Variants in ELP4 observed in about 807,000 individuals in gnomAD.
ELP4 encodes the protein elongator acetyltransferase complex subunit 4.
ELP4 carries 51 observed loss-of-function variants against 48.9 expected under a neutral mutation model. The observed-to-expected ratio is 1.04, with a 90% CI of 0.83 to 1.32. The LOEUF (loss-of-function observed/expected upper bound fraction) is 1.32. ELP4 is among the 40% of genes most tolerant of loss of function. The probability of loss-of-function intolerance (pLI) is 0.00; values close to 1 mark genes in which losing one functional copy is unlikely to be tolerated. For missense variants in ELP4, 519 were observed against 514.6 expected (o/e 1.01, Z -0.08); for synonymous variants, 210 against 189.2 (o/e 1.11, Z -0.90).
intron 3 of ELP4, among the ~76,000 whole-genome samples, chr11:31,554,336 G>A (rs1263176859): frequency 6.6e-6 from 1 of 152,076 alleles, no homozygotes; most frequent in Non-Finnish European, 1.5e-5. Flanking sequence ...TCTTGCTCTA[G>A]AATAGCATAG....
Position 31,635,532 on chromosome 11 carries a change from G to A in ELP4, c.927+3127G>A, listed in dbSNP as rs1034276349. Among the ~76,000 whole-genome samples the A allele has an allele frequency of 2.0e-5, 3 of 151,998 alleles. No homozygotes were observed. In the South Asian group the frequency reaches 6.2e-4, roughly 32 times the overall value. On this transcript the variant is annotated intron_variant, in intron 7 of 9. Coordinates refer to ENST00000640961, the MANE Select transcript of ELP4 (RefSeq NM_019040.5). ...TAGAGTCAAAATTTAGAAACAAACT[G>A]CACAAAGTACCATTCGATGATAGAA...
At position 31,570,965 on chromosome 11, in the gene ELP4, A is replaced by C. The variant is rs1221015556; in HGVS notation, c.382-23805A>C. On this transcript the variant is annotated intron_variant, in intron 3 of 9. Transcript: ENST00000640961. The stretch of plus-strand genomic sequence containing the variant: ...CAGGCGCACGCCAGCACGCCCAGCC[A>C]ATTTTTGTATTTTTAGTAGAGACGG... 1.4e-5 allele frequency among the ~76,000 whole-genome samples: 2 copies of C among 145,144 alleles called. 1 individual carries two copies. The highest frequency in any genetic ancestry group is 1.4e-4 in the Admixed American group (2 of 14,350).
intron 3 of ELP4, among the ~76,000 whole-genome samples, chr11:31,559,573 G>A (rs1017446307): frequency 1.3e-5 from 2 of 152,124 alleles, no homozygotes; most frequent in Non-Finnish European, 2.9e-5. Flanking sequence ...GTCTTCACTA[G>A]TTACCTCGAC....
chr11:31,737,847 G>T (rs190661360), intron 9 of ELP4, among the ~76,000 whole-genome samples: 84 of 152,284 alleles, frequency 5.5e-4, no homozygotes, highest in Non-Finnish European at 8.8e-5. Context: ...TGGTGGAAAT[G>T]TAAAATGTAT....
intron 9 of ELP4, among the ~76,000 whole-genome samples, chr11:31,773,083 A>G (rs1024401232): frequency 6.6e-6 from 1 of 152,212 alleles, no homozygotes; most frequent in Non-Finnish European, 1.5e-5. Flanking sequence ...CAACTCAATT[A>G]TTGATAGATC....
intron 3 of ELP4, among the ~76,000 whole-genome samples, chr11:31,594,209 C>G (rs1355422802): frequency 6.6e-6 from 1 of 152,122 alleles, no homozygotes; most frequent in African/African-American, 2.4e-5. Flanking sequence ...TTGTAACTTA[C>G]TGTCTCTTCA....
intron 4 of ELP4, among the ~76,000 whole-genome samples, chr11:31,603,469 T>TA (rs1298865240): frequency 2.6e-5 from 4 of 151,712 alleles, no homozygotes; most frequent in Non-Finnish European, 4.4e-5. Flanking sequence ...GTTTTGAACT[T>TA]AGGAAGGCAT....
intron 5 of ELP4, among the ~76,000 whole-genome samples, chr11:31,622,407 C>A (rs753079296): frequency 4.6e-4 from 69 of 151,454 alleles, no homozygotes; most frequent in Non-Finnish European, 9.3e-4. Flanking sequence ...TTAAGTGTTT[C>A]TTTGAGGACT....
chr11:31,741,002 G>A (rs985313688), intron 9 of ELP4, among the ~76,000 whole-genome samples: 1 of 152,214 alleles, frequency 6.6e-6, no homozygotes, highest in Non-Finnish European at 1.5e-5. Flanking sequence ...AAAGAAAGCG[G>A]TGACAGACGG....
Position 31,783,692 on chromosome 11 carries a change from C to A in ELP4, c.*168C>A. 1 of 579,112 alleles carries A rather than the reference C, an allele frequency of 1.7e-6. No individual in the cohort carries two copies. The highest frequency in any genetic ancestry group is 2.9e-6 in the Non-Finnish European group (1 of 348,504). 35.9% of individuals were successfully genotyped at this position (579,112 alleles called of 1,614,324 possible). A position where few individuals can be genotyped will look rare whatever the true frequency, so the allele number is the denominator to read the frequency against. The stretch of plus-strand genomic sequence containing the variant: ...ATTTTTTAACTTTTTACAGAACTAG[C>A]ACAGCAGAAATACTTTTAAATTTTT... On this transcript the variant is annotated 3_prime_UTR_variant, in exon 10 of 10. Transcript: ENST00000640961.
intron 9 of ELP4, 114 bp from the exon 10 acceptor site, chr11:31,783,279 C>A: frequency 1.1e-6 from 1 of 907,880 alleles, no homozygotes; most frequent in Non-Finnish European, 1.7e-6. Context: ...ATATGCAAGT[C>A]TAAATGCTGA....
intron 9 of ELP4, among the ~76,000 whole-genome samples, chr11:31,694,822 C>A (rs962923508): frequency 2.6e-5 from 4 of 152,062 alleles, no homozygotes; most frequent in African/African-American, 9.7e-5. Flanking sequence ...TGTTTTTATC[C>A]TTTTTTATTT....
At chr11:31,537,036 A>G (rs1342191067) in intron 2 of ELP4, among the ~76,000 whole-genome samples, 2 of 152,140 alleles carry the variant, frequency 1.3e-5, no homozygotes, top group Admixed American at 6.5e-5. Context: ...TTCATGTCCT[A>G]AGAAACATTT....
chr11:31,788,551 CATT>C lies in ELP4; in HGVS notation c.*5028_*5030del, dbSNP rs1158838410. ...ACTTTTGAATATACTTCAGTGAAAT[CATT>C]GTTGAAATAGGCTGACAATGGAAAT... On this transcript the variant is annotated 3_prime_UTR_variant, in exon 10 of 10. Coordinates refer to ENST00000640961, the MANE Select transcript of ELP4 (RefSeq NM_019040.5). The C allele has an allele frequency of 1.3e-5, 3 of 222,290 alleles. No homozygotes were observed. Among genetic ancestry groups the C allele is most frequent in the African/African-American group, 4.5e-5 (2 of 44,700 alleles). 13.8% of individuals were successfully genotyped at this position (222,290 alleles called of 1,614,324 possible).
intron 9 of ELP4, chr11:31,682,042 A>T (rs957896693): frequency 2.4e-5 from 31 of 1,292,154 alleles, no homozygotes; most frequent in Non-Finnish European, 3.1e-5. Flanking sequence ...CGCCCGGCCT[A>T]GGGCTTTGTA....
chr11:31,700,462 T>C (rs1946496974), intron 9 of ELP4, among the ~76,000 whole-genome samples: 1 of 152,096 alleles, frequency 6.6e-6, no homozygotes, highest in South Asian at 2.1e-4. Flanking sequence ...TATAAATAGC[T>C]TTATGTCCAT....
At chr11:31,745,500 G>T (rs1947566472) in intron 9 of ELP4, among the ~76,000 whole-genome samples, 1 of 152,234 alleles carries the variant, frequency 6.6e-6, no homozygotes, top group Admixed American at 6.5e-5. Flanking sequence ...ATACCACAAG[G>T]CTACAGTAAC....
At chr11:31,768,969 C>T (rs1592294863) in intron 9 of ELP4, among the ~76,000 whole-genome samples, 1 of 152,172 alleles carries the variant, frequency 6.6e-6, no homozygotes, top group East Asian at 1.9e-4. Flanking sequence ...ACTTCGCAGA[C>T]ACTCTAGGCT....
intron 9 of ELP4, among the ~76,000 whole-genome samples, chr11:31,712,744 G>A (rs1428100716): frequency 6.6e-6 from 1 of 151,986 alleles, no homozygotes; most frequent in African/African-American, 2.4e-5. Context: ...AAAAAGCACA[G>A]CAGTACTTTA....
Sources: allele counts gnomAD v4.1 joint callset (sites outside exome capture counted in the v4.1 genomes callset), GRCh38; gene constraint gnomAD v4.1.1; transcripts MANE v1.5; gene names NCBI Gene and HGNC (gene_info 2026-07-23, HGNC 2026-07-21).